The following ARPC5 variants were observed in gnomAD, a reference collection of about 807,000 sequenced individuals.
The protein encoded by ARPC5 is actin-related protein 2/3 complex subunit 5.
In ARPC5, 5 loss-of-function variants were observed where a neutral mutation model predicts 15.4. The observed-to-expected ratio is 0.32, with a 90% confidence interval of 0.17 to 0.68. ARPC5 has a LOEUF of 0.68. Ranked by LOEUF, ARPC5 falls within the 30% of genes least tolerant of loss-of-function variation. The pLI, the probability that ARPC5 is intolerant of heterozygous loss-of-function variation, is 0.71. For missense variants in ARPC5, 138 were observed against 192.8 expected (o/e 0.72, Z 1.68); for synonymous variants, 85 against 72.2 (o/e 1.18, Z -0.90).
chr1:183,632,988 A>T, intron 2 of ARPC5, 94 bp downstream of exon 2: 2 of 958,186 alleles, frequency 2.1e-6, no homozygotes, highest in South Asian at 1.6e-5. Context: ...AAGATAGCAA[A>T]CAGTTAAAAT....
intron 1 of ARPC5, chr1:183,633,950 CTG>C (rs1223522242): frequency 6.6e-6 from 1 of 152,206 alleles, no homozygotes; most frequent in African/African-American, 2.4e-5. Flanking sequence ...ACCACTAGGG[CTG>C]TCTTTCCTGG....
intron 3 of ARPC5, among the ~76,000 whole-genome samples, chr1:183,628,095 C>T (rs891418930): frequency 7.0e-5 from 10 of 143,704 alleles, no homozygotes; most frequent in Admixed American, 6.1e-4. Flanking sequence ...ATGGTGTGAA[C>T]CCAGGAGGCG....
chr1:183,628,173 A>AG (rs1491536712), intron 3 of ARPC5, among the ~76,000 whole-genome samples: 3 of 54,538 alleles, frequency 5.5e-5, no homozygotes, highest in African/African-American at 2.5e-4. Flanking sequence ...ACTCCGTCTC[A>AG]AAAAAAAAAA....
chr1:183,630,390 T>G, intron 3 of ARPC5, 71 bp downstream of exon 3: 33 of 1,223,556 alleles, frequency 2.7e-5, no homozygotes, highest in South Asian at 3.4e-5. Flanking sequence ...GTTATTTAGG[T>G]GAGAGAGGTT....
chr1:183,633,159 TG>T lies in ARPC5; in HGVS notation c.144-6del. 6.3e-7 allele frequency: 1 copy of T among 1,598,684 alleles called. No homozygotes were observed. The highest frequency in any genetic ancestry group is 1.4e-5 in the African/African-American group (1 of 73,876). On this transcript the variant is annotated splice_region_variant and splice_polypyrimidine_tract_variant and intron_variant, in intron 1 of 3. Transcript: ENST00000359856. The stretch of plus-strand genomic sequence containing the variant: ...AGGGCAGCTGTCATGTTTCCTGTGA[TG>T]GAAGTTAAGGGTGTAACAGCAAAGG...
intron 1 of ARPC5, chr1:183,634,039 G>C (rs1043947365): frequency 6.6e-6 from 1 of 152,170 alleles, no homozygotes; most frequent in African/African-American, 2.4e-5. Flanking sequence ...CACTGATATG[G>C]ATACAGCAGT....
chr1:183,626,377 C>T lies in ARPC5; in HGVS notation c.*1155G>A, dbSNP rs2101953614. Reference sequence around the variant, plus strand: ...GTAAATACTAAGCACAAGCTCACTTCCCTCTTGGTCAGGTGGTTTGTTTTA... The same window carrying T: ...GTAAATACTAAGCACAAGCTCACTTTCCTCTTGGTCAGGTGGTTTGTTTTA... On this transcript the variant is annotated 3_prime_UTR_variant, in exon 4 of 4. Transcript: ENST00000359856. The T allele has an allele frequency of 6.6e-6, 1 of 152,398 alleles. No homozygotes were observed. The highest frequency in any genetic ancestry group is 2.1e-4 in the South Asian group (1 of 4,824). 9.4% of individuals were successfully genotyped at this position (152,398 alleles called of 1,614,324 possible).
At chr1:183,631,326 TC>T (rs1649257419) in intron 2 of ARPC5, 1 of 151,280 alleles carries the variant, frequency 6.6e-6, no homozygotes, top group Admixed American at 6.6e-5. Context: ...ACAGCTGTAA[TC>T]CCAGCACTTT....
At chr1:183,635,166 C>T (rs1020289815) in intron 1 of ARPC5, among the ~76,000 whole-genome samples, 4 of 152,250 alleles carry the variant, frequency 2.6e-5, no homozygotes, top group Non-Finnish European at 4.4e-5. Flanking sequence ...CACCAGCCTT[C>T]CCCACCAGCC....
At chr1:183,630,778 G>A (rs1233426189) in intron 2 of ARPC5, 141 bp from the exon 3 acceptor site, 6 of 753,410 alleles carry the variant, frequency 8.0e-6, no homozygotes, top group African/African-American at 1.8e-5. Flanking sequence ...ACTGAGGAAA[G>A]TGTTTCAGAC....
chr1:183,621,974 C>T lies in ARPC5; in HGVS notation c.*5558G>A, dbSNP rs553313998. On this transcript the variant is annotated 3_prime_UTR_variant, in exon 4 of 4. Transcript: ENST00000359856. ...GTCTCAGCCTTATTTTACCCAGCTTCTATTCAAGAAGGAATTGCTCTGGTT... is the reference window on the plus strand; with the variant it reads ...GTCTCAGCCTTATTTTACCCAGCTTTTATTCAAGAAGGAATTGCTCTGGTT... 1 of 152,294 alleles carries T rather than the reference C, an allele frequency of 6.6e-6. No homozygotes were observed. The highest frequency in any genetic ancestry group is 2.1e-4 in the South Asian group (1 of 4,850). The allele number at this position is 152,294 out of a possible 1,614,324, so 9.4% of individuals were successfully genotyped here.
intron 2 of ARPC5, 175 bp downstream of exon 2, chr1:183,632,907 C>T (rs1649306344): frequency 2.0e-6 from 1 of 506,560 alleles, no homozygotes; most frequent in Admixed American, 4.2e-5. Context: ...ATTATCATAA[C>T]TACATTATAG....
In ARPC5 at chr1:183,622,108, G is replaced by A. The variant is rs1648956019; in HGVS notation, c.*5424C>T. 1 of 152,196 alleles carries A rather than the reference G, an allele frequency of 6.6e-6. No homozygotes were observed. Among genetic ancestry groups the A allele is most frequent in the Non-Finnish European group, 1.5e-5 (1 of 68,040 alleles). The allele number at this position is 152,196 out of a possible 1,614,324, so 9.4% of individuals were successfully genotyped here. On this transcript the variant is annotated 3_prime_UTR_variant, in exon 4 of 4. Transcript: ENST00000359856. ...AGGAACAGAACACTATATATAGTAT[G>A]TTAGTATTTATGTACACAAAGGGGT...
At position 183,622,364 on chromosome 1, in the gene ARPC5, C is replaced by T. The variant is rs1459520952; in HGVS notation, c.*5168G>A. On this transcript the variant is annotated 3_prime_UTR_variant, in exon 4 of 4. Coordinates refer to ENST00000359856, the MANE Select transcript of ARPC5 (RefSeq NM_005717.4). ...AACCATTGGCTAATGAATACACTGA[C>T]CTTTAACTTAGCAAATTGAAGAAAA... 1 of 152,114 alleles carries T rather than the reference C, an allele frequency of 6.6e-6. No homozygotes were observed. Among genetic ancestry groups the T allele is most frequent in the East Asian group, 1.9e-4 (1 of 5,202 alleles). The allele number at this position is 152,114 out of a possible 1,614,324, so 9.4% of individuals were successfully genotyped here.
Sources: gnomAD v4.1 joint callset for allele counts (sites outside exome capture counted in the v4.1 genomes callset) on GRCh38, gnomAD v4.1.1 for gene constraint, MANE v1.5 for transcripts, NCBI Gene and HGNC (gene_info 2026-07-23, HGNC 2026-07-21) for gene names.